Variants in CAV1 observed in about 807,000 individuals in gnomAD.
The protein encoded by CAV1 is caveolin-1.
A neutral mutation model predicts 16.5 loss-of-function variants in CAV1; 10 were observed. The ratio of observed to expected loss-of-function variants is 0.61; its 90% CI spans 0.37 to 1.03. The LOEUF (loss-of-function observed/expected upper bound fraction) is 1.03. Ranked by LOEUF, CAV1 falls within the 50% of genes least tolerant of loss-of-function variation. The pLI is 0.01. For missense variants in CAV1, 212 were observed against 232.8 expected (o/e 0.91, Z 0.58); for synonymous variants, 76 against 85.1 (o/e 0.89, Z 0.59).
chr7:116,538,953 C>A (rs115651889), intron 2 of CAV1, among the ~76,000 whole-genome samples: 3,224 of 152,230 alleles, frequency 0.021, 124 homozygotes, highest in African/African-American at 0.074. Flanking sequence ...GAACCGCCAC[C>A]ATGATTCAAT....
At chr7:116,525,666 G>A in intron 1 of CAV1, 1 of 1,089,166 alleles carries the variant, frequency 9.2e-7, no homozygotes, top group Non-Finnish European at 1.1e-6. Flanking sequence ...TCCCCAAACT[G>A]CCACCATCAC....
intron 2 of CAV1, among the ~76,000 whole-genome samples, chr7:116,538,629 A>G (rs1356440789): frequency 6.6e-6 from 1 of 152,212 alleles, no homozygotes; most frequent in African/African-American, 2.4e-5. Flanking sequence ...AAGTCCCTCT[A>G]TTTCTCTAGG....
intron 2 of CAV1, among the ~76,000 whole-genome samples, chr7:116,534,928 A>G (rs1360709534): frequency 6.6e-6 from 1 of 152,212 alleles, no homozygotes; most frequent in Non-Finnish European, 1.5e-5. Context: ...CTTGCGGGTT[A>G]GGCCATTTAA....
chr7:116,526,436 T>C, intron 1 of CAV1, 89 bp from the exon 2 acceptor site: 2 of 1,599,632 alleles, frequency 1.3e-6, no homozygotes. Context: ...CAGGCTGACT[T>C]CTCATCGCTT....
rs187727402 is a variant in CAV1, at chr7:116,547,650, A to G, written c.196-11296A>G. 2.0e-5 allele frequency among the ~76,000 whole-genome samples: 3 copies of G among 152,290 alleles called. No homozygotes were observed. The East Asian group carries it at 5.8e-4, about 29-fold the overall frequency. On this transcript the variant is annotated intron_variant, in intron 2 of 2. Transcript: ENST00000341049. Reference sequence around the variant, plus strand: ...AAATACAAAATAAGCAGTCACTGACATGGAACGATTTCAGGAATGCCAAAA... The same window carrying G: ...AAATACAAAATAAGCAGTCACTGACGTGGAACGATTTCAGGAATGCCAAAA...
rs757360963 is a variant in CAV1 at position 116,559,908 on chromosome 7, C to T, written c.*621C>T. On this transcript the variant is annotated 3_prime_UTR_variant, in exon 3 of 3. Coordinates refer to ENST00000341049, the MANE Select transcript of CAV1 (RefSeq NM_001753.5). ...ATTTTAACCTATGATATTTTCTGTG[C>T]CTGAATATTTGTTATGTAGATAACA... 2.0e-5 allele frequency: 8 copies of T among 399,146 alleles called. No individual in the cohort carries two copies. Among genetic ancestry groups the T allele is most frequent in the Non-Finnish European group, 3.1e-5 (7 of 226,402 alleles). The allele number at this position is 399,146 out of a possible 1,614,324, so 24.7% of individuals were successfully genotyped here.
chr7:116,537,403 A>G (rs1474510), intron 2 of CAV1, among the ~76,000 whole-genome samples: 125,301 of 151,976 alleles, frequency 0.82, 51,937 homozygotes, highest in East Asian at 0.95. Flanking sequence ...AGGCTGACTG[A>G]GTGACAAAGA....
At chr7:116,526,010 G>A (rs1420620321) in intron 1 of CAV1, 11 of 232,610 alleles carry the variant, frequency 4.7e-5, no homozygotes, top group African/African-American at 7.0e-5. Context: ...CCACGGGTCG[G>A]GCGGCTGCTG....
intron 2 of CAV1, among the ~76,000 whole-genome samples, chr7:116,528,249 T>C (rs896238925): frequency 1.3e-5 from 2 of 151,970 alleles, no homozygotes; most frequent in African/African-American, 4.8e-5. Flanking sequence ...AGGCCAACAG[T>C]GTGGATGTGG....
At chr7:116,549,681 A>G (rs539476223) in intron 2 of CAV1, among the ~76,000 whole-genome samples, 3 of 152,204 alleles carry the variant, frequency 2.0e-5, no homozygotes, top group Non-Finnish European at 4.4e-5. Flanking sequence ...CAGGCAAAGA[A>G]TTAATAAGAG....
intron 2 of CAV1, among the ~76,000 whole-genome samples, chr7:116,540,918 G>GTAA (rs966049753): frequency 2.0e-5 from 3 of 152,210 alleles, no homozygotes; most frequent in South Asian, 4.1e-4. Flanking sequence ...AACCCCCCTT[G>GTAA]TAATAATTCC....
At chr7:116,555,751 C>G (rs950235698) in intron 2 of CAV1, among the ~76,000 whole-genome samples, 1 of 151,406 alleles carries the variant, frequency 6.6e-6, no homozygotes, top group African/African-American at 2.4e-5. Context: ...ATTTACTAAT[C>G]ATATTGCTAT....
intron 1 of CAV1, 114 bp downstream of exon 1, chr7:116,525,206 G>C: frequency 6.2e-7 from 1 of 1,613,478 alleles, no homozygotes; most frequent in South Asian, 1.1e-5. Flanking sequence ...CTCCACTTCG[G>C]AGCACTCCTC....
At chr7:116,550,563 T>G (rs1185133216) in intron 2 of CAV1, among the ~76,000 whole-genome samples, 2 of 152,190 alleles carry the variant, frequency 1.3e-5, no homozygotes, top group African/African-American at 4.8e-5. Context: ...AAAGTTCCTA[T>G]GTTCTGGTAA....
intron 2 of CAV1, among the ~76,000 whole-genome samples, chr7:116,554,069 G>A (rs564599243): frequency 1.3e-5 from 2 of 152,152 alleles, no homozygotes; most frequent in South Asian, 4.1e-4. Flanking sequence ...GACAGCTTTG[G>A]TCATCAATTT....
At chr7:116,526,316 C>T in intron 1 of CAV1, 3 of 1,424,760 alleles carry the variant, frequency 2.1e-6, no homozygotes, top group Non-Finnish European at 2.8e-6. Context: ...GTGTGGTGTC[C>T]TCTGCGAGAT....
At chr7:116,555,808 C>A (rs1298699841) in intron 2 of CAV1, among the ~76,000 whole-genome samples, 2 of 151,986 alleles carry the variant, frequency 1.3e-5, no homozygotes, top group African/African-American at 4.8e-5. Flanking sequence ...CTCATGTACT[C>A]CTCTAAAACT....
intron 2 of CAV1, among the ~76,000 whole-genome samples, chr7:116,555,399 G>A (rs549981087): frequency 2.3e-4 from 35 of 148,962 alleles, no homozygotes; most frequent in African/African-American, 7.7e-4. Flanking sequence ...TGATCATGCC[G>A]CTGCACTCTA....
At chr7:116,527,598 T>TA (rs1489953667) in intron 2 of CAV1, among the ~76,000 whole-genome samples, 1 of 152,226 alleles carries the variant, frequency 6.6e-6, no homozygotes, top group African/African-American at 2.4e-5. Flanking sequence ...ATTTATTGCC[T>TA]AAACACATCT....
Sources: allele counts gnomAD v4.1 joint callset (sites outside exome capture counted in the v4.1 genomes callset), GRCh38; gene constraint gnomAD v4.1.1; transcripts MANE v1.5; gene names NCBI Gene and HGNC (gene_info 2026-07-23, HGNC 2026-07-21).